Variants in ELOVL1 observed in about 807,000 individuals in gnomAD.
ELOVL1 encodes the protein ELOVL fatty acid elongase 1, also known as very long chain fatty acid elongase 1.
ELOVL1 carries 10 observed loss-of-function variants against 37.8 expected under a neutral mutation model. That is an observed-to-expected ratio of 0.26 (90% CI 0.16 to 0.45). The LOEUF (loss-of-function observed/expected upper bound fraction) is 0.45, where lower values mean the gene tolerates loss of function less well. Among genes scored for constraint, ELOVL1 ranks in the 20% least tolerant of loss-of-function variants. The pLI is 1.00. For missense variants in ELOVL1, 256 were observed against 352.7 expected, an observed-to-expected ratio of 0.73 and a Z score of 2.20; for synonymous variants, 133 against 123.8, an observed-to-expected ratio of 1.07 and a Z score of -0.49.
chr1:43,365,719 C>T, intron 1 of ELOVL1, 96 bp from the exon 2 acceptor site: 2 of 1,222,374 alleles, frequency 1.6e-6, no homozygotes, highest in South Asian at 2.4e-5. Flanking sequence ...ACCTGCAATG[C>T]CTCATTGCAG....
Position 43,365,596 on chromosome 1 carries a change from A to C in ELOVL1, c.14T>G (p.Val5Gly). The C allele has an allele frequency of 1.2e-6, 2 of 1,614,142 alleles. No individual in the cohort carries two copies. The highest frequency in any genetic ancestry group is 2.7e-5 in the African/African-American group (2 of 75,022). Residue 5 changes from valine (V) to glycine (G), a missense_variant, in exon 2 of 8, where the codon GTG becomes GGG. Physicochemically the swap from Val to Gly is moderately radical, Grantham distance 109 (BLOSUM62 -3). This residue lies in a region of ELOVL1 where 158 missense variants were observed against 189.4 expected (regional missense o/e 0.83). Coordinates refer to ENST00000372458, the MANE Select transcript of ELOVL1 (RefSeq NM_022821.4). MEAV[V>G]NLYQEVMKHA... ...CTTCATCACCTCTTGGTACAAGTTC[A>C]CAACAGCCTCCATCCTGGCTAAGGA...
In ELOVL1 at chr1:43,364,835, T is replaced by C; in HGVS notation, c.319-41A>G. ...ATAGCCTTAGGACCTCATACACTATTCTAAGAGCCTCCCTAAACTGGGCCT... is the reference window on the plus strand; with the variant it reads ...ATAGCCTTAGGACCTCATACACTATCCTAAGAGCCTCCCTAAACTGGGCCT... On this transcript the variant is annotated intron_variant, in intron 4 of 7. Transcript: ENST00000372458. The surrounding 1 kb of genome is among the most constrained non-coding windows in gnomAD (Gnocchi z 5.2). The C allele has an allele frequency of 6.2e-7, 1 of 1,614,076 alleles. No individual in the cohort carries two copies. The highest frequency in any genetic ancestry group is 8.5e-7 in the Non-Finnish European group (1 of 1,180,006).
At chr1:43,367,881 G>T in intron 1 of ELOVL1, 34 bp downstream of exon 1, 1 of 154,248 alleles carries the variant, frequency 6.5e-6, no homozygotes, top group Non-Finnish European at 1.4e-5. Flanking sequence ...GGGGGCGCCG[G>T]CACGTGGAGA....
At position 43,364,297 on chromosome 1, in the gene ELOVL1, A is replaced by C. The variant is rs1409492689; in HGVS notation, c.618+27T>G. The stretch of plus-strand genomic sequence containing the variant: ...AGGCTAGGAATGTGGGGGGATGGTT[A>C]TAGGTAAGTCAGGCCAAGCCCCTCA... On this transcript the variant is annotated intron_variant, in intron 7 of 7. Coordinates refer to ENST00000372458, the MANE Select transcript of ELOVL1 (RefSeq NM_022821.4). This position sits in a 1 kb window ranked among gnomAD's most constrained non-coding sequence, Gnocchi z 5.2. 6.2e-7 allele frequency: 1 copy of C among 1,613,794 alleles called. No homozygotes were observed. The highest frequency in any genetic ancestry group is 8.5e-7 in the Non-Finnish European group (1 of 1,179,984).
intron 3 of ELOVL1, 40 bp from the exon 4 acceptor site, chr1:43,365,048 T>G: frequency 6.3e-7 from 1 of 1,597,382 alleles, no homozygotes; most frequent in East Asian, 2.3e-5. Context: ...AGTTCTCCCT[T>G]CCCAGCCATC....
Position 43,363,672 on chromosome 1 carries a change from GC to G in ELOVL1, c.*243del, listed in dbSNP as rs1647186391. ...GGGAAATAACTGTACAGCCCTTTTA[GC>G]CCCCAGCTCTGGAGTGGCAGACAGC... On this transcript the variant is annotated 3_prime_UTR_variant, in exon 8 of 8. Transcript: ENST00000372458. 5.5e-6 allele frequency: 3 copies of G among 548,276 alleles called. No homozygotes were observed. Among genetic ancestry groups the G allele is most frequent in the Admixed American group, 6.3e-5 (2 of 31,710 alleles). 34.0% of individuals were successfully genotyped at this position (548,276 alleles called of 1,614,324 possible). A position where few individuals can be genotyped will look rare whatever the true frequency, so the allele number is the denominator to read the frequency against.
In ELOVL1 at chr1:43,363,444, C is replaced by T; in HGVS notation, c.*472G>A. 2.4e-6 allele frequency: 1 copy of T among 422,940 alleles called. No homozygotes were observed. Among genetic ancestry groups the T allele is most frequent in the South Asian group, 2.6e-5 (1 of 38,782 alleles). 26.2% of individuals were successfully genotyped at this position (422,940 alleles called of 1,614,324 possible). A position where few individuals can be genotyped will look rare whatever the true frequency, so the allele number is the denominator to read the frequency against. On this transcript the variant is annotated 3_prime_UTR_variant, in exon 8 of 8. Coordinates refer to ENST00000372458, the MANE Select transcript of ELOVL1 (RefSeq NM_022821.4). The stretch of plus-strand genomic sequence containing the variant: ...TTAATTAAGACACAAGTTGAGTAAG[C>T]AGCCTCCACAGGCTGTATTCCCAGG...
rs1647208993 is a variant in ELOVL1 at position 43,365,066 on chromosome 1, T to G, written c.238-58A>C. On this transcript the variant is annotated intron_variant, in intron 3 of 7. Coordinates refer to ENST00000372458, the MANE Select transcript of ELOVL1 (RefSeq NM_022821.4). ...TCTCCCTTCCCAGCCATCCCTCCCC[T>G]TCGCTAGCTGAGGACATGGATCTGA... 1.9e-6 allele frequency: 3 copies of G among 1,592,086 alleles called. No individual in the cohort carries two copies. The African/African-American group carries it at 4.0e-5, about 21-fold the overall frequency.
chr1:43,365,721 T>G, intron 1 of ELOVL1, 98 bp from the exon 2 acceptor site: 12 of 1,211,242 alleles, frequency 9.9e-6, no homozygotes, highest in Non-Finnish European at 1.3e-5. Context: ...CTGCAATGCC[T>G]CATTGCAGAA....
chr1:43,364,841 A>T lies in ELOVL1; in HGVS notation c.319-47T>A. 2 of 1,614,114 alleles carry T rather than the reference A, an allele frequency of 1.2e-6. No individual in the cohort carries two copies. The highest frequency in any genetic ancestry group is 1.7e-6 in the Non-Finnish European group (2 of 1,179,966). On this transcript the variant is annotated intron_variant, in intron 4 of 7. Transcript: ENST00000372458. The surrounding 1 kb of genome is among the most constrained non-coding windows in gnomAD (Gnocchi z 5.2). ...TTAGGACCTCATACACTATTCTAAG[A>T]GCCTCCCTAAACTGGGCCTTGAGCA...
At position 43,364,899 on chromosome 1, in the gene ELOVL1, C is replaced by A; in HGVS notation, c.318+29G>T. The A allele has an allele frequency of 6.2e-7, 1 of 1,613,950 alleles. No homozygotes were observed. Among genetic ancestry groups the A allele is most frequent in the East Asian group, 2.2e-5 (1 of 44,878 alleles). ...CAAACTGGTCATATCTACCAGGTTG[C>A]TTATGACCTAGCCCCAGCCCCTACT... On this transcript the variant is annotated intron_variant, in intron 4 of 7. Coordinates refer to ENST00000372458, the MANE Select transcript of ELOVL1 (RefSeq NM_022821.4). The surrounding 1 kb of genome is among the most constrained non-coding windows in gnomAD (Gnocchi z 5.2).
In ELOVL1 at chr1:43,363,860, T is replaced by G; in HGVS notation, c.*56A>C. ...AGGTGGAGAGGGCACTGACGGACACTGCCCTAAGGTGCAGTCCTGAGGCAC... is the reference window on the plus strand; with the variant it reads ...AGGTGGAGAGGGCACTGACGGACACGGCCCTAAGGTGCAGTCCTGAGGCAC... On this transcript the variant is annotated 3_prime_UTR_variant, in exon 8 of 8. Transcript: ENST00000372458. The G allele has an allele frequency of 6.6e-7, 1 of 1,518,868 alleles. No homozygotes were observed. The highest frequency in any genetic ancestry group is 9.1e-7 in the Non-Finnish European group (1 of 1,096,948). The allele number at this position is 1,518,868 out of a possible 1,614,324, so 94.1% of individuals were successfully genotyped here.
chr1:43,366,307 G>A (rs1010177027), intron 1 of ELOVL1: 18 of 154,770 alleles, frequency 1.2e-4, no homozygotes, highest in East Asian at 5.8e-4. Flanking sequence ...CTCTCCTCTC[G>A]CAGAGCCCTT....
intron 1 of ELOVL1, among the ~76,000 whole-genome samples, chr1:43,365,893 C>T (rs964009689): frequency 1.3e-5 from 2 of 149,726 alleles, no homozygotes; most frequent in African/African-American, 5.1e-5. Flanking sequence ...TACTTCCTGG[C>T]CTCCCTTCCC....
intron 1 of ELOVL1, 61 bp from the exon 2 acceptor site, chr1:43,365,684 G>A: frequency 6.5e-7 from 1 of 1,536,144 alleles, no homozygotes; most frequent in Non-Finnish European, 9.0e-7. Context: ...ATCCCACAGA[G>A]ATAAGACACA....
chr1:43,367,484 A>T (rs1214775507), intron 1 of ELOVL1: 1 of 152,050 alleles, frequency 6.6e-6, no homozygotes, highest in African/African-American at 2.4e-5. Context: ...CAACCCACAC[A>T]CCCGGCAGGC....
At position 43,365,299 on chromosome 1, in the gene ELOVL1, C is replaced by T. The variant is rs1341061277; in HGVS notation, c.124G>A (p.Val42Ile). The change falls in exon 3 of 8, where the codon GTT (valine) becomes ATT (isoleucine). Residue 42 changes from valine (V) to isoleucine (I), a missense_variant. Coordinates refer to ENST00000372458, the MANE Select transcript of ELOVL1 (RefSeq NM_022821.4). ...ATGATGCGAGGCCCAAGTGAGAGAACGAAGTACACGTAGGTCAGGAGAATG... is the reference window on the plus strand; with the variant it reads ...ATGATGCGAGGCCCAAGTGAGAGAATGAAGTACACGTAGGTCAGGAGAATG... ...TSILLTYVYF[V>I]LSLGPRIMAN... The T allele has an allele frequency of 5.6e-6, 9 of 1,614,000 alleles. No homozygotes were observed. The East Asian group carries it at 1.3e-4, about 24-fold the overall frequency.
At position 43,364,681 on chromosome 1, in the gene ELOVL1, C is replaced by G; in HGVS notation, c.376-34G>C. The G allele has an allele frequency of 6.2e-7, 1 of 1,614,144 alleles. No homozygotes were observed. The highest frequency in any genetic ancestry group is 8.5e-7 in the Non-Finnish European group (1 of 1,180,014). ...AGAGTGAGGGAAGGGGATTCAGAAC[C>G]TGGGCTTCTCCACCTCATTCTCCCC... On this transcript the variant is annotated intron_variant, in intron 5 of 7. Coordinates refer to ENST00000372458, the MANE Select transcript of ELOVL1 (RefSeq NM_022821.4). This position sits in a 1 kb window ranked among gnomAD's most constrained non-coding sequence, Gnocchi z 5.2.
In ELOVL1 at chr1:43,365,152, A is replaced by G. The variant is rs758290621; in HGVS notation, c.237+34T>C. ...CTATGGCCTGCTCCTTATCCTGCTG[A>G]CAGAAATTAAAGCCCGGCATCCCAG... On this transcript the variant is annotated intron_variant, in intron 3 of 7. Transcript: ENST00000372458. 9.3e-6 allele frequency: 15 copies of G among 1,610,224 alleles called. No individual in the cohort carries two copies. The African/African-American group carries it at 1.9e-4, about 20-fold the overall frequency.
Sources: allele counts gnomAD v4.1 joint callset (sites outside exome capture counted in the v4.1 genomes callset), GRCh38; gene constraint gnomAD v4.1.1; regional missense constraint gnomAD v4.1.1; non-coding constraint Gnocchi (gnomAD v3.1); transcripts MANE v1.5; gene names NCBI Gene and HGNC (gene_info 2026-07-23, HGNC 2026-07-21).